The following RTN1 variants were observed in gnomAD, a reference collection of about 807,000 sequenced individuals.
RTN1 encodes the protein reticulon 1, also known as reticulon-1.
A neutral mutation model predicts 65.5 loss-of-function variants in RTN1; 25 were observed. That is an observed-to-expected ratio of 0.38 (90% CI 0.28 to 0.53). The LOEUF (loss-of-function observed/expected upper bound fraction) is 0.53, where lower values mean the gene tolerates loss of function less well. Among genes scored for constraint, RTN1 ranks in the 20% least tolerant of loss-of-function variants. The pLI is 0.79. For missense variants in RTN1, 983 were observed against 1,025.4 expected, an observed-to-expected ratio of 0.96 and a Z score of 0.57; for synonymous variants, 471 against 447.6, an observed-to-expected ratio of 1.05 and a Z score of -0.66.
chr14:59,727,541 G>A lies in RTN1; in HGVS notation c.1143C>T (p.Ala381=), dbSNP rs750553960. ...AENPRPVGQL[A]DRPEVKARSG... is the part of the protein sequence containing the mutation. The stretch of plus-strand genomic sequence containing the variant: ...ACCTGGCCTTGACCTCGGGCCTGTC[G>A]GCCAGCTGGCCCACCGGCCGTGGGT... The change falls in exon 3 of 9, where the codon GCC becomes GCT. Residue 381 remains alanine (A), a synonymous_variant. Transcript: ENST00000267484. This position sits in a 1 kb window ranked among gnomAD's most constrained non-coding sequence, Gnocchi z 4.2. The A allele has an allele frequency of 6.2e-7, 1 of 1,609,868 alleles. No individual in the cohort carries two copies. The highest frequency in any genetic ancestry group is 1.7e-5 in the Admixed American group (1 of 59,666).
chr14:59,789,146 C>T (rs989520770), intron 1 of RTN1, among the ~76,000 whole-genome samples: 2 of 151,848 alleles, frequency 1.3e-5, no homozygotes, highest in African/African-American at 4.8e-5. Flanking sequence ...AATCATTCAT[C>T]TTACCATATT....
intron 3 of RTN1, among the ~76,000 whole-genome samples, chr14:59,671,097 A>T (rs1883492842): frequency 6.6e-6 from 1 of 152,218 alleles, no homozygotes; most frequent in Non-Finnish European, 1.5e-5. Flanking sequence ...GTGTGGGTAC[A>T]TATGGAAGTG....
chr14:59,598,471 G>A (rs78243636), intron 8 of RTN1, among the ~76,000 whole-genome samples: 184 of 152,298 alleles, frequency 1.2e-3, no homozygotes, highest in Non-Finnish European at 2.0e-3. Flanking sequence ...TAGACCTGGT[G>A]CTTAGTTGAA....
intron 1 of RTN1, among the ~76,000 whole-genome samples, chr14:59,757,804 T>C (rs1047720676): frequency 8.5e-5 from 13 of 152,144 alleles, no homozygotes; most frequent in Non-Finnish European, 1.8e-4. Flanking sequence ...ATAAGCCACC[T>C]AGTTTATGGT....
chr14:59,675,218 A>C (rs1883599028), intron 3 of RTN1, among the ~76,000 whole-genome samples: 1 of 152,168 alleles, frequency 6.6e-6, no homozygotes, highest in Non-Finnish European at 1.5e-5. Context: ...TAGTGTCTAA[A>C]CTAAGTCTTG....
At chr14:59,692,078 C>A (rs1883973421) in intron 3 of RTN1, among the ~76,000 whole-genome samples, 1 of 152,068 alleles carries the variant, frequency 6.6e-6, no homozygotes, top group South Asian at 2.1e-4. Flanking sequence ...GAAGTACTAG[C>A]CAGAGCAAAC....
At chr14:59,688,235 G>A (rs549847615) in intron 3 of RTN1, among the ~76,000 whole-genome samples, 11 of 152,144 alleles carry the variant, frequency 7.2e-5, no homozygotes, top group Non-Finnish European at 1.6e-4. Context: ...GGTCCTCTAC[G>A]GTCCATTCCC....
At chr14:59,802,456 T>C (rs1236503209) in intron 1 of RTN1, among the ~76,000 whole-genome samples, 3 of 152,224 alleles carry the variant, frequency 2.0e-5, no homozygotes, top group African/African-American at 7.2e-5. Flanking sequence ...TTATAGTGTA[T>C]CTGATCTGAG....
At chr14:59,844,962 A>C (rs1887379238) in intron 1 of RTN1, among the ~76,000 whole-genome samples, 1 of 152,232 alleles carries the variant, frequency 6.6e-6, no homozygotes, top group African/African-American at 2.4e-5. Flanking sequence ...AAATTATAAG[A>C]ATGCAACTGT....
intron 3 of RTN1, among the ~76,000 whole-genome samples, chr14:59,722,067 C>T (rs555117350): frequency 7.2e-5 from 11 of 152,124 alleles, no homozygotes; most frequent in Non-Finnish European, 1.5e-4. Context: ...TTTTTGCCCA[C>T]CTGCTATAGC....
At chr14:59,779,444 C>T (rs1886112528) in intron 1 of RTN1, among the ~76,000 whole-genome samples, 1 of 151,838 alleles carries the variant, frequency 6.6e-6, no homozygotes, top group African/African-American at 2.4e-5. Flanking sequence ...GGCAGGTGGA[C>T]CATGACCACA....
At position 59,836,430 on chromosome 14, in the gene RTN1, AT is replaced by A. The variant is rs1334802821; in HGVS notation, c.241+33959del. On this transcript the variant is annotated intron_variant, in intron 1 of 8. Transcript: ENST00000267484. This position sits in a 1 kb window ranked among gnomAD's most constrained non-coding sequence, Gnocchi z 4.9. Reference sequence around the variant, plus strand: ...ACAGAGAGATTAAGGAACTCCCCACATCACACAACTAATTTTTCCAGTTCTT... The same window carrying A: ...ACAGAGAGATTAAGGAACTCCCCACACACACAACTAATTTTTCCAGTTCTT... Among the ~76,000 whole-genome samples, 3 of 152,200 alleles carry A rather than the reference AT, an allele frequency of 2.0e-5. No homozygotes were observed. The highest frequency in any genetic ancestry group is 7.2e-5 in the African/African-American group (3 of 41,454).
intron 3 of RTN1, among the ~76,000 whole-genome samples, chr14:59,688,252 A>C (rs911330405): frequency 6.6e-6 from 1 of 152,140 alleles, no homozygotes; most frequent in Non-Finnish European, 1.5e-5. Flanking sequence ...TCCCAGGCAG[A>C]TCTCCAGCCA....
intron 3 of RTN1, among the ~76,000 whole-genome samples, chr14:59,657,416 C>T (rs1262712186): frequency 2.0e-5 from 3 of 152,036 alleles, no homozygotes; most frequent in East Asian, 1.9e-4. Context: ...CTCAACAAAA[C>T]AAAACAAAAC....
At chr14:59,848,186 T>G (rs1271631688) in intron 1 of RTN1, among the ~76,000 whole-genome samples, 1 of 152,234 alleles carries the variant, frequency 6.6e-6, no homozygotes, top group Non-Finnish European at 1.5e-5. Flanking sequence ...AAGTAGGATC[T>G]AACTTGTAAT....
At chr14:59,599,680 A>T (rs1216860732) in intron 8 of RTN1, among the ~76,000 whole-genome samples, 1 of 152,192 alleles carries the variant, frequency 6.6e-6, no homozygotes, top group Non-Finnish European at 1.5e-5. Flanking sequence ...AGTCCATCTC[A>T]TCTCAGGGTT....
intron 3 of RTN1, among the ~76,000 whole-genome samples, chr14:59,635,892 A>G (rs1337258361): frequency 1.3e-5 from 2 of 152,176 alleles, no homozygotes; most frequent in Admixed American, 6.5e-5. Context: ...TTAATAATGA[A>G]TCTACCTTGC....
intron 1 of RTN1, among the ~76,000 whole-genome samples, chr14:59,802,146 CTT>C (rs1410066005): frequency 2.6e-5 from 4 of 152,158 alleles, no homozygotes; most frequent in Non-Finnish European, 4.4e-5. Context: ...TAATTTTTCT[CTT>C]TGGCTCTATT....
At chr14:59,802,585 A>G (rs1886566975) in intron 1 of RTN1, among the ~76,000 whole-genome samples, 1 of 152,234 alleles carries the variant, frequency 6.6e-6, no homozygotes. Flanking sequence ...ATTTTATATG[A>G]GATGGCATTT....
Sources: allele counts gnomAD v4.1 joint callset (sites outside exome capture counted in the v4.1 genomes callset), GRCh38; gene constraint gnomAD v4.1.1; non-coding constraint Gnocchi (gnomAD v3.1); transcripts MANE v1.5; gene names NCBI Gene and HGNC (gene_info 2026-07-23, HGNC 2026-07-21).